Variants in RBBP9 observed in about 807,000 individuals in gnomAD.
The protein encoded by RBBP9 is serine hydrolase RBBP9.
Under a neutral mutation model 24.2 loss-of-function variants are expected in RBBP9, and 20 were observed. The ratio of observed to expected loss-of-function variants is 0.83; its 90% CI spans 0.58 to 1.20. The LOEUF is 1.20. Ranked by LOEUF, RBBP9 falls within the 50% of genes most tolerant of loss-of-function variation. The pLI, the probability that RBBP9 is intolerant of heterozygous loss-of-function variation, is 0.00. For synonymous variants in RBBP9, 74 were observed against 84.6 expected (o/e 0.87, Z 0.69); for missense variants, 234 against 233.6 (o/e 1.00, Z -0.01).
intron 3 of RBBP9, among the ~76,000 whole-genome samples, chr20:18,491,534 C>G (rs569652789): frequency 6.6e-6 from 1 of 152,172 alleles, no homozygotes; most frequent in Admixed American, 6.5e-5. Context: ...CTAGGATTGA[C>G]TAGATCTAGG....
At chr20:18,490,278 C>A (rs1394070797) in intron 4 of RBBP9, 117 bp downstream of exon 4, 4 of 782,664 alleles carry the variant, frequency 5.1e-6, no homozygotes, top group Non-Finnish European at 8.7e-6. Flanking sequence ...GTATATCTTT[C>A]TCATATGCTA....
Sources: allele counts gnomAD v4.1 joint callset (sites outside exome capture counted in the v4.1 genomes callset), GRCh38; gene constraint gnomAD v4.1.1; transcripts MANE v1.5; gene names NCBI Gene and HGNC (gene_info 2026-07-23, HGNC 2026-07-21).